Variants in ATG16L2 observed in about 807,000 individuals in gnomAD.
ATG16L2 encodes the protein protein Atg16l2.
A neutral mutation model predicts 84.7 loss-of-function variants in ATG16L2; 77 were observed. The observed-to-expected ratio is 0.91, with a 90% CI of 0.76 to 1.10. ATG16L2 has a LOEUF of 1.10. ATG16L2 is among the 50% of genes least tolerant of loss of function. ATG16L2 has a pLI of 0.00. For missense variants in ATG16L2, 782 were observed against 817.6 expected (o/e 0.96, Z 0.53); for synonymous variants, 361 against 342.8 (o/e 1.05, Z -0.59).
Position 72,828,495 on chromosome 11 carries a change from C to A in ATG16L2, c.1609C>A (p.Arg537Ser), listed in dbSNP as rs751853489. The A allele has an allele frequency of 6.2e-7, 1 of 1,614,202 alleles. No homozygotes were observed. The highest frequency in any genetic ancestry group is 1.3e-5 in the African/African-American group (1 of 75,058). ...KVIDLRVSNI[R>S]QVFRADGFKC... ...CATCGACCTGCGTGTCAGCAACATC[C>A]GCCAGGTGTTCAGGTACCAGCCTCA... Residue 537 changes from arginine (R) to serine (S), a missense_variant, in exon 15 of 18, where the codon CGC becomes AGC. Coordinates refer to ENST00000321297, the MANE Select transcript of ATG16L2 (RefSeq NM_033388.2).
rs1156589253 is a variant in ATG16L2, at chr11:72,826,454, T to C, written c.1174-64T>C. The C allele has an allele frequency of 4.4e-6, 7 of 1,599,800 alleles. No individual in the cohort carries two copies. In the Admixed American group the frequency reaches 8.5e-5, roughly 19 times the overall value. ...AACTGTGAGGCAGCCCCTAGCCTCA[T>C]TCTGTGGCCCGAAGAATGTTGCCTC... On this transcript the variant is annotated intron_variant, in intron 11 of 17. Transcript: ENST00000321297.
At chr11:72,843,054 G>T in exon 6 of ATG16L2, 3 of 1,205,926 alleles carry the variant, frequency 2.5e-6, no homozygotes, top group Non-Finnish European at 3.6e-6. Flanking sequence ...AGGACAGGAG[G>T]AAAGTTGTGC....
intron 3 of ATG16L2, chr11:72,818,358 C>T (rs1859804895): frequency 6.4e-6 from 1 of 156,076 alleles, no homozygotes; most frequent in African/African-American, 2.4e-5. Context: ...ATTGTTGCCT[C>T]TGAACTTCCT....
chr11:72,840,606 A>G (rs950253900), intron 5 of ATG16L2, among the ~76,000 whole-genome samples: 19 of 152,238 alleles, frequency 1.2e-4, no homozygotes, highest in African/African-American at 3.4e-4. Context: ...TAATGCTCAT[A>G]AAGTTTGTTC....
At chr11:72,826,039 C>T in intron 10 of ATG16L2, 134 bp from the exon 11 acceptor site, 1 of 713,804 alleles carries the variant, frequency 1.4e-6, no homozygotes, top group South Asian at 1.8e-5. Flanking sequence ...AGAACAGACC[C>T]AGCGATTCTG....
Position 72,822,440 on chromosome 11 carries a change from G to A in ATG16L2, c.645-38G>A, listed in dbSNP as rs1426769358. ...GTCTAGCCCCGCCTGCGTGCGAGGC[G>A]CCGCGCCAGGGTCTCAGGATGCTTT... On this transcript the variant is annotated intron_variant, in intron 5 of 17. Transcript: ENST00000321297. The surrounding 1 kb of genome is among the most constrained non-coding windows in gnomAD (Gnocchi z 4.2). 1.3e-5 allele frequency: 21 copies of A among 1,611,442 alleles called. No homozygotes were observed. The highest frequency in any genetic ancestry group is 1.8e-5 in the Non-Finnish European group (21 of 1,178,708).
rs115859489 is a variant in ATG16L2 at position 72,826,413 on chromosome 11, G to T, written c.1174-105G>T. 1.6e-3 allele frequency: 2,424 copies of T among 1,503,480 alleles called. 29 individuals carry two copies. In the African/African-American group the frequency reaches 0.028, roughly 18 times the overall value. The allele number at this position is 1,503,480 out of a possible 1,614,324, so 93.1% of individuals were successfully genotyped here. The stretch of plus-strand genomic sequence containing the variant: ...CGGAGGCTCCTTTGCCTGCCTTGGT[G>T]ACCTGGGCCGTGGGAAACTGTGAGG... On this transcript the variant is annotated intron_variant, in intron 11 of 17. Coordinates refer to ENST00000321297, the MANE Select transcript of ATG16L2 (RefSeq NM_033388.2).
chr11:72,822,891 A>G lies in ATG16L2; in HGVS notation c.754A>G (p.Thr252Ala), dbSNP rs1565265251. The change falls in exon 7 of 18, where the codon ACT (threonine) becomes GCT (alanine). Residue 252 changes from threonine (T) to alanine (A), a missense_variant. Thr to Ala is a moderately conservative substitution (Grantham distance 58, BLOSUM62 0). Transcript: ENST00000321297. The surrounding 1 kb of genome is among the most constrained non-coding windows in gnomAD (Gnocchi z 4.2). ...CGATGGGATGAGGGAGAGAAGGGAG[A>G]CTCTGGCTCTGGCCCCTGAGCCAGA... ...LGDGMRERRE[T>A]LALAPEPEPL... 1.3e-6 allele frequency: 2 copies of G among 1,577,266 alleles called. No homozygotes were observed. The highest frequency in any genetic ancestry group is 8.6e-7 in the Non-Finnish European group (1 of 1,161,168).
chr11:72,841,537 A>G, intron 5 of ATG16L2: 9 of 1,611,580 alleles, frequency 5.6e-6, no homozygotes, highest in Non-Finnish European at 7.6e-6. Context: ...CTGGTCGTAC[A>G]ACGGCAGTGG....
chr11:72,841,158 AC>A (rs1249349713), intron 5 of ATG16L2, among the ~76,000 whole-genome samples: 1 of 151,556 alleles, frequency 6.6e-6, no homozygotes, highest in Non-Finnish European at 1.5e-5. Flanking sequence ...ACAGAATAAT[AC>A]CCTTTGTCCA....
intron 5 of ATG16L2, chr11:72,838,903 C>A: frequency 6.3e-7 from 1 of 1,577,640 alleles, no homozygotes; most frequent in Non-Finnish European, 8.6e-7. Flanking sequence ...CGTAGTTTGT[C>A]AGTCAGTTCC....
intron 5 of ATG16L2, chr11:72,837,146 C>G (rs540570583): frequency 4.5e-4 from 69 of 152,172 alleles, no homozygotes; most frequent in African/African-American, 1.4e-3. Flanking sequence ...AAAAAAACCA[C>G]CCTTTTAATT....
At position 72,819,564 on chromosome 11, in the gene ATG16L2, C is replaced by G. The variant is rs546147526; in HGVS notation, c.318+1709C>G. 1.6e-3 allele frequency among the ~76,000 whole-genome samples: 251 copies of G among 152,266 alleles called. 2 individuals carry two copies. The highest frequency in any genetic ancestry group is 6.8e-3 in the Middle Eastern group (2 of 294). On this transcript the variant is annotated intron_variant, in intron 3 of 17. Coordinates refer to ENST00000321297, the MANE Select transcript of ATG16L2 (RefSeq NM_033388.2). ...CTGTAGATCTTCCAAAGCTCCTAGC[C>G]TGGCTCCCCCGTCGAGCTCCCCAGG...
chr11:72,822,328 A>G lies in ATG16L2; in HGVS notation c.644+33A>G. 6.6e-7 allele frequency: 1 copy of G among 1,526,588 alleles called. No individual in the cohort carries two copies. The highest frequency in any genetic ancestry group is 1.8e-4 in the Middle Eastern group (1 of 5,484). 94.6% of individuals were successfully genotyped at this position (1,526,588 alleles called of 1,614,324 possible). ...AGCAGGCCCCGCCCCTCCTGAGGAA[A>G]GGCCCCGCCCCTGCAGGGAGGAGTC... On this transcript the variant is annotated intron_variant, in intron 5 of 17. Coordinates refer to ENST00000321297, the MANE Select transcript of ATG16L2 (RefSeq NM_033388.2). The surrounding 1 kb of genome is among the most constrained non-coding windows in gnomAD (Gnocchi z 4.2).
rs1483412475 is a variant in ATG16L2, at chr11:72,822,065, C to T, written c.414C>T (p.Arg138=). 7 of 1,526,530 alleles carry T rather than the reference C, an allele frequency of 4.6e-6. No individual in the cohort carries two copies. The highest frequency in any genetic ancestry group is 5.2e-6 in the Non-Finnish European group (6 of 1,151,590). The allele number at this position is 1,526,530 out of a possible 1,614,324, so 94.6% of individuals were successfully genotyped here. The change falls in exon 5 of 18, where the codon CGC becomes CGT. Residue 138 remains arginine (R), a synonymous_variant. Coordinates refer to ENST00000321297, the MANE Select transcript of ATG16L2 (RefSeq NM_033388.2). The surrounding 1 kb of genome is among the most constrained non-coding windows in gnomAD (Gnocchi z 4.2). ...CCAGGCTGGCAGCCCTGGAGGCCCG[C>T]GTGGCGCAGCTGCGAGAGGCGCGGG... The part of the protein sequence containing the change: ...RQSRLAALEA[R]VAQLREARAQ...
chr11:72,838,821 C>G, intron 5 of ATG16L2: 1 of 1,607,408 alleles, frequency 6.2e-7, no homozygotes, highest in Non-Finnish European at 8.5e-7. Flanking sequence ...CATCTTCAAT[C>G]TTCTCTGCTG....
At chr11:72,826,431 CTG>C in intron 11 of ATG16L2, 85 bp from the exon 12 acceptor site, 2 of 1,552,180 alleles carry the variant, frequency 1.3e-6, no homozygotes, top group African/African-American at 1.4e-5. Context: ...CCGTGGGAAA[CTG>C]TGAGGCAGCC....
chr11:72,817,929 T>G, intron 3 of ATG16L2, 74 bp downstream of exon 3: 1 of 1,267,116 alleles, frequency 7.9e-7, no homozygotes, highest in Non-Finnish European at 1.1e-6. Flanking sequence ...CGGGTACTCC[T>G]GTGTTTGCTG....
Position 72,828,366 on chromosome 11 carries a change from C to A in ATG16L2, c.1480C>A (p.His494Asn). Reference protein sequence around the residue: ...KIRFWDSRGPHCTQVIPVQGR... With the variant: ...KIRFWDSRGPNCTQVIPVQGR... ...TCTGTCCTTGTTCCTCAGGGGGCCC[C>A]ACTGCACCCAGGTCATCCCTGTGCA... Residue 494 changes from histidine (H) to asparagine (N), a missense_variant, in exon 15 of 18, where the codon CAC becomes AAC. By Grantham distance (68) the His-to-Asn change is moderately conservative. Transcript: ENST00000321297. The A allele has an allele frequency of 6.2e-7, 1 of 1,614,072 alleles. No homozygotes were observed. Among genetic ancestry groups the A allele is most frequent in the Non-Finnish European group, 8.5e-7 (1 of 1,179,966 alleles).
Sources: gnomAD v4.1 joint callset for allele counts (sites outside exome capture counted in the v4.1 genomes callset) on GRCh38, gnomAD v4.1.1 for gene constraint, Gnocchi (gnomAD v3.1) non-coding constraint, MANE v1.5 for transcripts, NCBI Gene and HGNC (gene_info 2026-07-23, HGNC 2026-07-21) for gene names.